The following GRIP1 variants were observed in gnomAD, a reference collection of about 807,000 sequenced individuals.
GRIP1 encodes the protein glutamate receptor-interacting protein 1.
A neutral mutation model predicts 129.9 loss-of-function variants in GRIP1; 45 were observed. The observed-to-expected ratio is 0.35, with a 90% CI of 0.27 to 0.44. The LOEUF (loss-of-function observed/expected upper bound fraction) is 0.44, where lower values mean the gene tolerates loss of function less well. GRIP1 is among the 20% of genes least tolerant of loss of function. GRIP1 has a pLI of 1.00. For synonymous variants in GRIP1, 530 were observed against 520.8 expected, an observed-to-expected ratio of 1.02 and a Z score of -0.24; for missense variants, 1,196 against 1,396.8, an observed-to-expected ratio of 0.86 and a Z score of 2.29.
chr12:66,635,255 T>TA lies in GRIP1; in HGVS notation c.56-38329dup, dbSNP rs558891439. On this transcript the variant is annotated intron_variant, in intron 1 of 24. Transcript: ENST00000359742. The stretch of plus-strand genomic sequence containing the variant: ...CAACATAGCGAGACCCCATCTTTAT[T>TA]AAAAAAAATAAAAATTAGCTGGGCG... Among the ~76,000 whole-genome samples the TA allele has an allele frequency of 3.3e-3, 496 of 151,186 alleles. 2 individuals carry two copies. The highest frequency in any genetic ancestry group is 0.011 in the African/African-American group (469 of 41,234).
chr12:66,456,458 G>A (rs969434135), intron 9 of GRIP1, 116 bp from the exon 10 acceptor site: 1 of 454,984 alleles, frequency 2.2e-6, no homozygotes, highest in African/African-American at 2.1e-5. Flanking sequence ...AAAGAAAGCT[G>A]CTTGCAAATA....
intron 1 of GRIP1, chr12:67,064,885 A>C (rs1049004463): frequency 1.4e-5 from 2 of 146,574 alleles, no homozygotes; most frequent in Non-Finnish European, 3.0e-5. Context: ...TATATCTCCC[A>C]ATGCTATCCC....
intron 1 of GRIP1, among the ~76,000 whole-genome samples, chr12:66,887,156 T>C (rs974001287): frequency 6.6e-6 from 1 of 152,210 alleles, no homozygotes; most frequent in Non-Finnish European, 1.5e-5. Context: ...GGAGATAAAG[T>C]TGTTTGAAGA....
intron 1 of GRIP1, among the ~76,000 whole-genome samples, chr12:66,941,463 C>G (rs1242917484): frequency 6.6e-6 from 1 of 152,124 alleles, no homozygotes; most frequent in African/African-American, 2.4e-5. Flanking sequence ...GTCTTCTTTA[C>G]GATGAATCTA....
intron 9 of GRIP1, among the ~76,000 whole-genome samples, chr12:66,459,830 T>C (rs1002360958): frequency 1.3e-5 from 2 of 152,234 alleles, no homozygotes; most frequent in East Asian, 1.9e-4. Flanking sequence ...TGTTTTACAG[T>C]GGTGTACTTG....
At chr12:66,711,975 A>C (rs2035727378) in intron 1 of GRIP1, among the ~76,000 whole-genome samples, 1 of 151,966 alleles carries the variant, frequency 6.6e-6, no homozygotes. Flanking sequence ...CAAAACTACC[A>C]CATGTGAAAA....
At chr12:66,638,990 T>C (rs1044476404) in intron 1 of GRIP1, among the ~76,000 whole-genome samples, 5 of 152,214 alleles carry the variant, frequency 3.3e-5, no homozygotes, top group Non-Finnish European at 1.5e-5. Context: ...AACAATATAA[T>C]GTATTAGGTT....
At chr12:66,350,430 G>A (rs1313844065) in intron 24 of GRIP1, among the ~76,000 whole-genome samples, 1 of 152,134 alleles carries the variant, frequency 6.6e-6, no homozygotes, top group Non-Finnish European at 1.5e-5. Flanking sequence ...AACCTGGGAG[G>A]CATAGGTTGC....
At chr12:66,415,861 C>G (rs1424380318) in intron 15 of GRIP1, among the ~76,000 whole-genome samples, 1 of 152,010 alleles carries the variant, frequency 6.6e-6, no homozygotes, top group African/African-American at 2.4e-5. Context: ...TAAGTGGGAG[C>G]TGAACGATGA....
At chr12:66,577,050 C>G (rs1208727817) in intron 2 of GRIP1, among the ~76,000 whole-genome samples, 1 of 152,164 alleles carries the variant, frequency 6.6e-6, no homozygotes, top group Non-Finnish European at 1.5e-5. Flanking sequence ...TTTGGCTGCT[C>G]CATGCTAAAG....
chr12:66,581,420 GA>G (rs1369746283), intron 2 of GRIP1, among the ~76,000 whole-genome samples: 1 of 150,696 alleles, frequency 6.6e-6, no homozygotes, highest in Non-Finnish European at 1.5e-5. Context: ...AGAATTGAAG[GA>G]AATAGAGACA....
At chr12:66,640,177 G>A (rs188730264) in intron 1 of GRIP1, among the ~76,000 whole-genome samples, 120 of 152,240 alleles carry the variant, frequency 7.9e-4, no homozygotes, top group African/African-American at 2.6e-3. Context: ...TTTCTACACC[G>A]TAGTATAATT....
intron 1 of GRIP1, among the ~76,000 whole-genome samples, chr12:66,772,567 T>A (rs2037852552): frequency 6.6e-6 from 1 of 152,094 alleles, no homozygotes; most frequent in Non-Finnish European, 1.5e-5. Context: ...ATCAACAAAA[T>A]AACATGTGCT....
chr12:67,016,234 G>A (rs888576466), intron 1 of GRIP1, among the ~76,000 whole-genome samples: 1 of 152,054 alleles, frequency 6.6e-6, no homozygotes, highest in Admixed American at 6.6e-5. Flanking sequence ...AATTCCAAAC[G>A]CTTGAGAATT....
At chr12:66,830,224 G>A (rs1265549523) in intron 1 of GRIP1, among the ~76,000 whole-genome samples, 1 of 152,126 alleles carries the variant, frequency 6.6e-6, no homozygotes, top group East Asian at 1.9e-4. Context: ...ACTGCCCCGC[G>A]ATGCCCAGAA....
In GRIP1 at chr12:66,484,336, T is replaced by C. The variant is rs2059895343; in HGVS notation, c.725-18914A>G. Among the ~76,000 whole-genome samples the C allele has an allele frequency of 2.0e-5, 3 of 152,236 alleles. 1 individual carries two copies. Among genetic ancestry groups the C allele is most frequent in the Non-Finnish European group, 4.4e-5 (3 of 68,038 alleles). On this transcript the variant is annotated intron_variant, in intron 7 of 24. Coordinates refer to ENST00000359742, the MANE Select transcript of GRIP1 (RefSeq NM_001366722.1). ...TTGTATTTCATGAGGTGACCCATGC[T>C]ATAATTCATCCATTCTACCTAAGTT...
At chr12:66,834,423 A>T (rs1192027900) in intron 1 of GRIP1, among the ~76,000 whole-genome samples, 1 of 152,172 alleles carries the variant, frequency 6.6e-6, no homozygotes, top group Admixed American at 6.5e-5. Context: ...TGCATGAGAA[A>T]ACAGTGACTC....
intron 1 of GRIP1, among the ~76,000 whole-genome samples, chr12:66,839,502 C>T (rs1361440149): frequency 6.6e-6 from 1 of 152,124 alleles, no homozygotes; most frequent in Non-Finnish European, 1.5e-5. Flanking sequence ...TCAGTCTATG[C>T]ACATGCTAAT....
chr12:66,914,111 GA>G (rs1417204756), intron 1 of GRIP1, among the ~76,000 whole-genome samples: 1 of 152,128 alleles, frequency 6.6e-6, no homozygotes, highest in African/African-American at 2.4e-5. Context: ...GAAATAAGGA[GA>G]CATTTTCTTT....
Sources: gnomAD v4.1 joint callset for allele counts (sites outside exome capture counted in the v4.1 genomes callset) on GRCh38, gnomAD v4.1.1 for gene constraint, MANE v1.5 for transcripts, NCBI Gene and HGNC (gene_info 2026-07-23, HGNC 2026-07-21) for gene names.